The following MIER3 variants were observed in gnomAD, a reference collection of about 807,000 sequenced individuals.
The protein encoded by MIER3 is MIER family member 3.
Under a neutral mutation model 63.2 loss-of-function variants are expected in MIER3, and 9 were observed. The observed-to-expected ratio is 0.14, with a 90% confidence interval of 0.09 to 0.25. The LOEUF (loss-of-function observed/expected upper bound fraction) is 0.25. Among genes scored for constraint, MIER3 ranks in the 10% least tolerant of loss-of-function variants. The pLI, the probability that MIER3 is intolerant of heterozygous loss-of-function variation, is 1.00. For synonymous variants in MIER3, 205 were observed against 224.9 expected (o/e 0.91, Z 0.79); for missense variants, 512 against 666.2 (o/e 0.77, Z 2.55).
intron 8 of MIER3, 95 bp downstream of exon 8, chr5:56,933,152 T>G: frequency 7.7e-7 from 1 of 1,292,430 alleles, no homozygotes; most frequent in Non-Finnish European, 1.0e-6. Context: ...TCAGAAAAGA[T>G]ATCTACCTCA....
chr5:56,933,765 T>C (rs1750353722), intron 7 of MIER3, among the ~76,000 whole-genome samples: 2 of 152,180 alleles, frequency 1.3e-5, no homozygotes. Context: ...CATTGGACTT[T>C]TCTCTTGAAA....
chr5:56,936,797 C>G (rs563183199), intron 5 of MIER3: 4 of 151,860 alleles, frequency 2.6e-5, no homozygotes, highest in African/African-American at 9.7e-5. Flanking sequence ...TGCAACCACA[C>G]AACCAACCCC....
Position 56,923,146 on chromosome 5 carries a change from C to T in MIER3, c.1635G>A (p.Ala545=), listed in dbSNP as rs1479464014. ...FISAHALHQH[A]ALHSE is the part of the protein sequence containing the mutation. ...ACTCAGGTCACTCAGAGTGTAGGGC[C>T]GCGTGCTGATGCAGAGCATGGGCAC... The change falls in exon 13 of 13, where the codon GCG becomes GCA. Residue 545 remains alanine, a synonymous_variant. Transcript: ENST00000381199. The T allele has an allele frequency of 9.9e-6, 16 of 1,613,668 alleles. No individual in the cohort carries two copies. The highest frequency in any genetic ancestry group is 2.2e-5 in the East Asian group (1 of 44,862).
In MIER3 at chr5:56,923,433, T is replaced by C; in HGVS notation, c.1348A>G (p.Ser450Gly). The change falls in exon 13 of 13, where the codon AGT becomes GGT. Residue 450 changes from serine to glycine, a missense_variant. Ser to Gly is a moderately conservative substitution (Grantham distance 56). Around this residue, in one of 5 missense-constraint regions of MIER3, gnomAD observed 218 missense variants for 251.2 expected, o/e 0.87. Coordinates refer to ENST00000381199, the MANE Select transcript of MIER3 (RefSeq NM_001297599.2). ...ELLTLPSNGE[S>G]DCFNLFETGF... ...GTCTCAAATAAATTAAAACAATCAC[T>C]TTCCCCATTGCTGGGCAGGGTGAGT... The C allele has an allele frequency of 2.5e-6, 4 of 1,614,156 alleles. No individual in the cohort carries two copies. Among genetic ancestry groups the C allele is most frequent in the Non-Finnish European group, 3.4e-6 (4 of 1,180,032 alleles).
At chr5:56,946,153 A>C (rs1278068211) in intron 3 of MIER3, among the ~76,000 whole-genome samples, 3 of 152,218 alleles carry the variant, frequency 2.0e-5, no homozygotes, top group African/African-American at 7.2e-5. Context: ...GAGATGATAT[A>C]TATAAGAATG....
intron 7 of MIER3, among the ~76,000 whole-genome samples, chr5:56,934,859 T>C (rs930979642): frequency 6.6e-6 from 1 of 152,228 alleles, no homozygotes; most frequent in African/African-American, 2.4e-5. Flanking sequence ...GGTTTACCTA[T>C]ATTTTTATAT....
intron 3 of MIER3, among the ~76,000 whole-genome samples, chr5:56,945,131 T>C: frequency 6.6e-6 from 1 of 152,134 alleles, no homozygotes; most frequent in East Asian, 1.9e-4. Context: ...ATCAAGGGGG[T>C]AATTATGTAT....
At chr5:56,926,761 C>T (rs115998761) in intron 10 of MIER3, among the ~76,000 whole-genome samples, 2,074 of 152,182 alleles carry the variant, frequency 0.014, 20 homozygotes, top group Non-Finnish European at 0.018. Context: ...CACATAAAAA[C>T]CTGCACATGA....
Position 56,930,644 on chromosome 5 carries a change from T to G in MIER3, c.829+20A>C. On this transcript the variant is annotated intron_variant, in intron 9 of 12. Transcript: ENST00000381199. Reference sequence around the variant, plus strand: ...GACCATCCCTGTCATGTCCCTCTCTTAAACCCAAGTGTTTCTTACCTTGAG... The same window carrying G: ...GACCATCCCTGTCATGTCCCTCTCTGAAACCCAAGTGTTTCTTACCTTGAG... 6.2e-7 allele frequency: 1 copy of G among 1,608,058 alleles called. No homozygotes were observed.
chr5:56,934,787 G>C (rs1472530141), intron 7 of MIER3, among the ~76,000 whole-genome samples: 3 of 152,104 alleles, frequency 2.0e-5, no homozygotes, highest in Admixed American at 2.0e-4. Flanking sequence ...ACTTCACAAG[G>C]ATAAATCAAC....
rs142181482 is a variant in MIER3, at chr5:56,928,623, A to T, written c.924+144T>A. ...TAAGCAGGCTGTGGCATCTCTGAGC[A>T]AATTAGTCATGTTAGAATGATATCT... On this transcript the variant is annotated intron_variant, in intron 10 of 12. Coordinates refer to ENST00000381199, the MANE Select transcript of MIER3 (RefSeq NM_001297599.2). 1.3e-5 allele frequency: 7 copies of T among 541,498 alleles called. No individual in the cohort carries two copies. The Admixed American group carries it at 2.5e-4, about 19-fold the overall frequency. 33.5% of individuals were successfully genotyped at this position (541,498 alleles called of 1,614,324 possible). A position where few individuals can be genotyped will look rare whatever the true frequency, so the allele number is the denominator to read the frequency against.
Position 56,922,978 on chromosome 5 carries a change from T to C in MIER3, c.*150A>G, listed in dbSNP as rs748179415. On this transcript the variant is annotated 3_prime_UTR_variant, in exon 13 of 13. Coordinates refer to ENST00000381199, the MANE Select transcript of MIER3 (RefSeq NM_001297599.2). ...TATGGATTGAAAAATGAAAATACTC[T>C]TGATAAATCAAGATATAGTTCTATA... The C allele has an allele frequency of 1.2e-5, 8 of 649,412 alleles. No individual in the cohort carries two copies. Among genetic ancestry groups the C allele is most frequent in the African/African-American group, 3.7e-5 (2 of 54,730 alleles). 40.2% of individuals were successfully genotyped at this position (649,412 alleles called of 1,614,324 possible). A position where few individuals can be genotyped will look rare whatever the true frequency, so the allele number is the denominator to read the frequency against.
intron 5 of MIER3, 64 bp from the exon 6 acceptor site, chr5:56,935,815 G>T: frequency 8.1e-7 from 1 of 1,227,570 alleles, no homozygotes; most frequent in Non-Finnish European, 1.2e-6. Flanking sequence ...AAGAATGCCT[G>T]TTGTATTTTA....
chr5:56,951,800 C>G (rs892706754), intron 1 of MIER3, among the ~76,000 whole-genome samples: 1 of 151,692 alleles, frequency 6.6e-6, no homozygotes, highest in African/African-American at 2.4e-5. Flanking sequence ...TGCCTCGTCC[C>G]TGGGGCAGGG....
chr5:56,949,454 A>T (rs1240195790), intron 2 of MIER3, among the ~76,000 whole-genome samples: 1 of 152,250 alleles, frequency 6.6e-6, no homozygotes, highest in Non-Finnish European at 1.5e-5. Flanking sequence ...AAATGGAAAA[A>T]TTCCATTAAT....
chr5:56,950,098 C>T (rs1289051147), intron 2 of MIER3, among the ~76,000 whole-genome samples: 1 of 152,168 alleles, frequency 6.6e-6, no homozygotes, highest in Non-Finnish European at 1.5e-5. Context: ...TCAAAATCAC[C>T]CTTTTTCTGT....
intron 9 of MIER3, 106 bp from the exon 10 acceptor site, chr5:56,928,967 TCTCA>T (rs1304215853): frequency 2.4e-5 from 8 of 328,442 alleles, no homozygotes; most frequent in African/African-American, 9.5e-5. Flanking sequence ...TCTCTCTCTC[TCTCA>T]CACACACACA....
intron 3 of MIER3, 55 bp from the exon 4 acceptor site, chr5:56,939,072 C>A: frequency 6.3e-7 from 1 of 1,589,786 alleles, no homozygotes; most frequent in Non-Finnish European, 8.6e-7. Flanking sequence ...TACTGAACTG[C>A]AGGTAAACTG....
chr5:56,949,561 T>A (rs921407975), intron 2 of MIER3, among the ~76,000 whole-genome samples: 4 of 152,216 alleles, frequency 2.6e-5, no homozygotes, highest in Non-Finnish European at 5.9e-5. Context: ...TTTAAAGATA[T>A]AGACAGCTAT....
Sources: gnomAD v4.1 joint callset for allele counts (sites outside exome capture counted in the v4.1 genomes callset) on GRCh38, gnomAD v4.1.1 for gene constraint, gnomAD v4.1.1 regional missense constraint, MANE v1.5 for transcripts, NCBI Gene and HGNC (gene_info 2026-07-23, HGNC 2026-07-21) for gene names.